The following VPS13D variants were observed in gnomAD, a reference collection of about 807,000 sequenced individuals.
VPS13D encodes intermembrane lipid transfer protein VPS13D.
Under a neutral mutation model 461.9 loss-of-function variants are expected in VPS13D, and 187 were observed. The ratio of observed to expected loss-of-function variants is 0.40; its 90% CI spans 0.36 to 0.46. The LOEUF is 0.46. VPS13D is among the 20% of genes least tolerant of loss of function. The probability of loss-of-function intolerance (pLI) is 0.60; values close to 1 mark genes in which losing one functional copy is unlikely to be tolerated. For missense variants in VPS13D, 4,711 were observed against 5,364.9 expected (o/e 0.88, Z 3.81); for synonymous variants, 1,951 against 1,986.3 (o/e 0.98, Z 0.47).
chr1:12,440,604 G>A (rs779092746), intron 65 of VPS13D, among the ~76,000 whole-genome samples: 6 of 152,144 alleles, frequency 3.9e-5, no homozygotes, highest in South Asian at 2.1e-4. Context: ...GGCCAGGCGC[G>A]GTGGCTCACA....
intron 44 of VPS13D, among the ~76,000 whole-genome samples, chr1:12,347,713 G>A (rs968119155): frequency 2.0e-5 from 3 of 152,148 alleles, no homozygotes; most frequent in Middle Eastern, 3.2e-3. Context: ...GAGAAAGTTG[G>A]CAGAATGAAA....
chr1:12,400,239 G>A lies in VPS13D; in HGVS notation c.11693G>A (p.Ser3898Asn). The A allele has an allele frequency of 6.2e-7, 1 of 1,614,126 alleles. No homozygotes were observed. Among genetic ancestry groups the A allele is most frequent in the East Asian group, 2.2e-5 (1 of 44,876 alleles). The change falls in exon 61 of 70, where the codon AGC becomes AAC. Residue 3898 changes from serine to asparagine, a missense_variant. By Grantham distance (46) the Ser-to-Asn change is conservative. This residue lies in a region of VPS13D where 4,411 missense variants were observed against 4,937.8 expected (regional missense o/e 0.89). Transcript: ENST00000620676. The part of the protein sequence containing the change: ...QPFMLYVTPL[S>N]NENEVIETGP... ...TTCATGCTCTATGTGACTCCCCTGA[G>A]CAATGAGAATGAGGTCATCGAGACC...
rs181038092 is a variant in VPS13D at position 12,377,942 on chromosome 1, T to G, written c.10918-486T>G. On this transcript the variant is annotated intron_variant, in intron 55 of 69. Transcript: ENST00000620676. ...TTGGACACCATCAATATAGTACGCT[T>G]TCCTTATAAACATTCGGGACGGGGA... 3.1e-3 allele frequency among the ~76,000 whole-genome samples: 470 copies of G among 152,294 alleles called. 2 individuals are homozygous for G. The highest frequency in any genetic ancestry group is 0.011 in the African/African-American group (455 of 41,570).
intron 67 of VPS13D, among the ~76,000 whole-genome samples, chr1:12,486,365 C>T (rs1253923162): frequency 6.6e-6 from 1 of 152,130 alleles, no homozygotes; most frequent in Non-Finnish European, 1.5e-5. Flanking sequence ...TAATGAGAGC[C>T]GTGTTGTAAA....
At chr1:12,290,889 C>G (rs746688982) in intron 22 of VPS13D, 109 bp from the exon 23 acceptor site, 36 of 1,090,008 alleles carry the variant, frequency 3.3e-5, no homozygotes, top group Non-Finnish European at 3.7e-5. Flanking sequence ...GGTTTGATTA[C>G]AAAGTGAAAA....
At chr1:12,240,914 G>A (rs1412998332) in intron 2 of VPS13D, among the ~76,000 whole-genome samples, 1 of 151,986 alleles carries the variant, frequency 6.6e-6, no homozygotes, top group East Asian at 1.9e-4. Context: ...CAAGTTGCTA[G>A]ATTTGAATTC....
In VPS13D at chr1:12,334,787, A is replaced by G. The variant is rs187977764; in HGVS notation, c.8429-918A>G. On this transcript the variant is annotated intron_variant, in intron 38 of 69. Coordinates refer to ENST00000620676, the MANE Select transcript of VPS13D (RefSeq NM_015378.4). ...CTCTAAGAAACCAACCAAACAAAAA[A>G]TCTTCCAAAAGGCATTCTCGTCAGT... is the stretch of plus-strand genomic sequence containing the variant. Among the ~76,000 whole-genome samples the G allele has an allele frequency of 2.0e-3, 308 of 152,280 alleles. 1 individual carries two copies. Among genetic ancestry groups the G allele is most frequent in the Non-Finnish European group, 3.7e-3 (251 of 68,026 alleles).
intron 65 of VPS13D, among the ~76,000 whole-genome samples, chr1:12,451,776 C>T (rs1645264995): frequency 6.6e-6 from 1 of 152,228 alleles, no homozygotes; most frequent in Non-Finnish European, 1.5e-5. Flanking sequence ...TGCACACTAT[C>T]CCTGAATCCT....
intron 44 of VPS13D, 101 bp downstream of exon 44, chr1:12,346,753 C>T: frequency 8.9e-7 from 1 of 1,128,888 alleles, no homozygotes; most frequent in South Asian, 1.6e-5. Context: ...AACTTTATGA[C>T]ATATATGCGA....
chr1:12,368,670 T>G (rs1034611547), intron 53 of VPS13D, 79 bp downstream of exon 53: 2 of 1,445,048 alleles, frequency 1.4e-6, no homozygotes, highest in Non-Finnish European at 1.8e-6. Flanking sequence ...GACACAATGG[T>G]ACAATACATT....
In VPS13D at chr1:12,383,016, T is replaced by G. The variant is rs1416416140; in HGVS notation, c.11231T>G (p.Val3744Gly). 2.5e-6 allele frequency: 4 copies of G among 1,614,032 alleles called. No individual in the cohort carries two copies. Among genetic ancestry groups the G allele is most frequent in the Non-Finnish European group, 3.4e-6 (4 of 1,180,020 alleles). Residue 3744 changes from valine (V) to glycine (G), a missense_variant, in exon 58 of 70, where the codon GTT (valine) becomes GGT (glycine). Around this residue, in one of 3 missense-constraint regions of VPS13D, gnomAD observed 4,411 missense variants for 4,937.8 expected, o/e 0.89. Coordinates refer to ENST00000620676, the MANE Select transcript of VPS13D (RefSeq NM_015378.4). ...TCTGGTTTGTTTGATGGAGCTGAAG[T>G]TGTTCTTGGTCCTGACACTTCCATG... ...GLSGLFDGAE[V>G]VLGPDTSMEL...
chr1:12,415,154 T>G lies in VPS13D; in HGVS notation c.12098T>G (p.Phe4033Cys), dbSNP rs907267771. 10 of 1,614,108 alleles carry G rather than the reference T, an allele frequency of 6.2e-6. No homozygotes were observed. Among genetic ancestry groups the G allele is most frequent in the Non-Finnish European group, 8.5e-6 (10 of 1,180,004 alleles). The change falls in exon 64 of 70, where the codon TTC becomes TGC. Residue 4033 changes from phenylalanine (F) to cysteine (C), a missense_variant. Physicochemically the swap from Phe to Cys is radical, Grantham distance 205. Transcript: ENST00000620676. ...GACGCTGTGATTAATCTAGATCCAT[T>G]CACTCGGGTACATCCCTATGAGACC... ...FEDAVINLDP[F>C]TRVHPYETKE... is the part of the protein sequence containing the mutation.
chr1:12,406,446 A>G (rs1054009765), intron 63 of VPS13D, among the ~76,000 whole-genome samples: 2 of 152,174 alleles, frequency 1.3e-5, no homozygotes, highest in Non-Finnish European at 2.9e-5. Context: ...TTGGTATTGA[A>G]GGAATAATTA....
At chr1:12,286,744 C>T (rs548838313) in intron 21 of VPS13D, among the ~76,000 whole-genome samples, 2 of 152,314 alleles carry the variant, frequency 1.3e-5, no homozygotes, top group East Asian at 3.9e-4. Flanking sequence ...CACTAAGATT[C>T]GTGGGAAGAG....
At chr1:12,300,909 A>G (rs910868820) in intron 25 of VPS13D, among the ~76,000 whole-genome samples, 4 of 152,068 alleles carry the variant, frequency 2.6e-5, no homozygotes, top group Non-Finnish European at 4.4e-5. Flanking sequence ...TCTTCAGTCT[A>G]TTTGCTTATT....
At chr1:12,295,642 T>C (rs1395976108) in intron 24 of VPS13D, among the ~76,000 whole-genome samples, 1 of 152,196 alleles carries the variant, frequency 6.6e-6, no homozygotes, top group Non-Finnish European at 1.5e-5. Flanking sequence ...TAACCTTTTT[T>C]TCTTTCTTTA....
intron 60 of VPS13D, among the ~76,000 whole-genome samples, chr1:12,399,648 C>T (rs1037704747): frequency 4.6e-5 from 7 of 151,868 alleles, no homozygotes; most frequent in African/African-American, 9.7e-5. Flanking sequence ...GGAGAAACCC[C>T]GTCTCTACTA....
intron 30 of VPS13D, among the ~76,000 whole-genome samples, chr1:12,315,847 C>CA (rs760735155): frequency 1.1e-4 from 16 of 151,528 alleles, no homozygotes; most frequent in Non-Finnish European, 1.6e-4. Context: ...GACGTAGTCT[C>CA]ACTCTGTCGC....
At chr1:12,319,414 A>G (rs1642973263) in intron 31 of VPS13D, 83 bp from the exon 32 acceptor site, 1 of 1,576,884 alleles carries the variant, frequency 6.3e-7, no homozygotes, top group East Asian at 2.2e-5. Flanking sequence ...CCTGGTGGAA[A>G]TGCGCTCGCT....
Sources: gnomAD v4.1 joint callset for allele counts (sites outside exome capture counted in the v4.1 genomes callset) on GRCh38, gnomAD v4.1.1 for gene constraint, gnomAD v4.1.1 regional missense constraint, MANE v1.5 for transcripts, NCBI Gene and HGNC (gene_info 2026-07-23, HGNC 2026-07-21) for gene names.